Variants in SYT9 observed in about 807,000 individuals in gnomAD.
The protein encoded by SYT9 is synaptotagmin 9, also known as synaptotagmin-9.
A neutral mutation model predicts 48.4 loss-of-function variants in SYT9; 22 were observed. That is an observed-to-expected ratio of 0.45 (90% confidence interval 0.32 to 0.65). The LOEUF (loss-of-function observed/expected upper bound fraction) is 0.65. SYT9 is among the 30% of genes least tolerant of loss of function. The pLI, the probability that SYT9 is intolerant of heterozygous loss-of-function variation, is 0.03. For synonymous variants in SYT9, 265 were observed against 245.0 expected (o/e 1.08, Z -0.76); for missense variants, 577 against 622.0 (o/e 0.93, Z 0.77).
chr11:7,279,799 T>C (rs1246276207), intron 1 of SYT9, among the ~76,000 whole-genome samples: 1 of 152,220 alleles, frequency 6.6e-6, no homozygotes, highest in African/African-American at 2.4e-5. Context: ...TCATTTTTTA[T>C]ATATGATTGT....
chr11:7,451,582 T>C (rs7121843), intron 6 of SYT9, among the ~76,000 whole-genome samples: 65,722 of 152,016 alleles, frequency 0.43, 17,478 homozygotes, highest in African/African-American at 0.75. Flanking sequence ...GCTCCAGGAA[T>C]GTCTTTGCAT....
At chr11:7,370,363 C>T (rs1850339853) in intron 3 of SYT9, among the ~76,000 whole-genome samples, 1 of 152,138 alleles carries the variant, frequency 6.6e-6, no homozygotes, top group South Asian at 2.1e-4. Context: ...CCTTTTGCCC[C>T]TATTTTGAAG....
chr11:7,392,603 A>G (rs1165738594), intron 3 of SYT9, among the ~76,000 whole-genome samples: 3 of 152,042 alleles, frequency 2.0e-5, no homozygotes, highest in Non-Finnish European at 4.4e-5. Context: ...TTTTTGTTTC[A>G]TATGAATTTT....
intron 1 of SYT9, among the ~76,000 whole-genome samples, chr11:7,270,832 G>C (rs80172371): frequency 1.4e-5 from 2 of 147,172 alleles, no homozygotes; most frequent in Admixed American, 6.8e-5. Flanking sequence ...ACAAGACACA[G>C]ACACACACAC....
chr11:7,432,214 G>A (rs1444891927), intron 6 of SYT9, among the ~76,000 whole-genome samples: 1 of 152,184 alleles, frequency 6.6e-6, no homozygotes, highest in African/African-American at 2.4e-5. Context: ...GTGTGTCCTG[G>A]ATATGGGACA....
At chr11:7,350,215 A>G (rs1308629066) in intron 3 of SYT9, among the ~76,000 whole-genome samples, 12 of 152,220 alleles carry the variant, frequency 7.9e-5, no homozygotes, top group African/African-American at 2.4e-4. Flanking sequence ...AGAACATTAC[A>G]TATGGTTGGA....
chr11:7,324,427 C>T (rs1906343), intron 3 of SYT9, among the ~76,000 whole-genome samples: 4,164 of 151,424 alleles, frequency 0.027, 95 homozygotes, highest in African/African-American at 0.058. Flanking sequence ...GATTTTCTTT[C>T]TTTTTTCTTT....
At chr11:7,458,669 A>G (rs137926499) in intron 6 of SYT9, among the ~76,000 whole-genome samples, 1 of 152,288 alleles carries the variant, frequency 6.6e-6, no homozygotes, top group African/African-American at 2.4e-5. Context: ...ATGCAGAAAT[A>G]CACGCTAAGG....
chr11:7,315,989 G>A (rs1849236380), intron 3 of SYT9, among the ~76,000 whole-genome samples: 1 of 151,942 alleles, frequency 6.6e-6, no homozygotes, highest in Non-Finnish European at 1.5e-5. Context: ...GGTAGGTCCT[G>A]TCAATGGAAT....
At chr11:7,353,809 C>T (rs899748061) in intron 3 of SYT9, among the ~76,000 whole-genome samples, 2 of 152,192 alleles carry the variant, frequency 1.3e-5, no homozygotes, top group Non-Finnish European at 2.9e-5. Flanking sequence ...TTTGAGCATG[C>T]ACTGACTGCC....
rs201688740 is a variant in SYT9 at position 7,303,070 on chromosome 11, C to T, written c.177C>T (p.Val59=). 111 of 1,614,182 alleles carry T rather than the reference C, an allele frequency of 6.9e-5. No individual in the cohort carries two copies. The Middle Eastern group carries it at 9.9e-4, about 14-fold the overall frequency. Residue 59 remains valine (V), a synonymous_variant, in exon 2 of 7, where the codon GTC becomes GTT. Coordinates refer to ENST00000318881, the MANE Select transcript of SYT9 (RefSeq NM_175733.4). ...CAGTGAGCCTGCTGACCCTTGTGGT[C>T]ACTGCCTGTGGTCTCGCTCTCTTTG... ...DISVSLLTLV[V]TACGLALFGV...
intron 3 of SYT9, among the ~76,000 whole-genome samples, chr11:7,402,883 T>C (rs1489671835): frequency 6.6e-6 from 1 of 152,172 alleles, no homozygotes; most frequent in Admixed American, 6.6e-5. Flanking sequence ...ATCCATACTT[T>C]TGTTCTTATT....
Position 7,252,238 on chromosome 11 carries a change from G to T in SYT9, c.52G>T (p.Glu18Ter). The T allele has an allele frequency of 6.7e-7, 1 of 1,501,590 alleles. No individual in the cohort carries two copies. Among genetic ancestry groups the T allele is most frequent in the Non-Finnish European group, 8.9e-7 (1 of 1,125,778 alleles). 93.0% of individuals were successfully genotyped at this position (1,501,590 alleles called of 1,614,324 possible). ...TCACCAGGCGCTGCAGCTGCTGGCCGAGCTCTGTGCCCGTGGGGCCCTGGA... is the reference window on the plus strand; with the variant it reads ...TCACCAGGCGCTGCAGCTGCTGGCCTAGCTCTGTGCCCGTGGGGCCCTGGA... Reference protein sequence around the residue: ...LCHQALQLLAELCARGALEHD... With the variant: ...LCHQALQLLA The change falls in exon 1 of 7, where the codon GAG (glutamate) becomes TAG (stop). Residue 18 changes from glutamate (E) to a stop codon, truncating the protein, a stop_gained. Coordinates refer to ENST00000318881, the MANE Select transcript of SYT9 (RefSeq NM_175733.4). LOFTEE classifies it high-confidence loss of function. The surrounding 1 kb of genome is among the most constrained non-coding windows in gnomAD (Gnocchi z 6.3).
chr11:7,271,177 T>C (rs1465941773), intron 1 of SYT9, among the ~76,000 whole-genome samples: 1 of 152,144 alleles, frequency 6.6e-6, no homozygotes, highest in East Asian at 1.9e-4. Flanking sequence ...CAATATAAAA[T>C]AATATAATAT....
At chr11:7,440,292 T>C (rs1847805191) in intron 6 of SYT9, 2 of 152,208 alleles carry the variant, frequency 1.3e-5, no homozygotes, top group South Asian at 4.1e-4. Flanking sequence ...ATTAGCAAAA[T>C]AACACAAATA....
chr11:7,338,478 T>G (rs746619049), intron 3 of SYT9, among the ~76,000 whole-genome samples: 5 of 152,154 alleles, frequency 3.3e-5, no homozygotes, highest in Non-Finnish European at 5.9e-5. Flanking sequence ...TTTTGATGTG[T>G]GTGTTTAGTG....
chr11:7,432,576 A>G (rs1352853623), intron 6 of SYT9, among the ~76,000 whole-genome samples: 1 of 12,018 alleles, frequency 8.3e-5, no homozygotes, highest in African/African-American at 4.0e-4. Context: ...AAAAAAAAAA[A>G]AAAAAAATAT....
At chr11:7,446,500 C>G (rs1226104839) in intron 6 of SYT9, among the ~76,000 whole-genome samples, 4 of 152,298 alleles carry the variant, frequency 2.6e-5, no homozygotes, top group African/African-American at 9.6e-5. Flanking sequence ...GGCTGGTCCT[C>G]CTGTCCAGTG....
At chr11:7,309,543 A>G (rs1482244131) in intron 2 of SYT9, among the ~76,000 whole-genome samples, 15 of 152,132 alleles carry the variant, frequency 9.9e-5, no homozygotes, top group Non-Finnish European at 8.8e-5. Context: ...TACTGCACTC[A>G]AAACCACCTC....
Sources: allele counts gnomAD v4.1 joint callset (sites outside exome capture counted in the v4.1 genomes callset), GRCh38; gene constraint gnomAD v4.1.1; non-coding constraint Gnocchi (gnomAD v3.1); transcripts MANE v1.5; gene names NCBI Gene and HGNC (gene_info 2026-07-23, HGNC 2026-07-21).